The following FYB2 variants were observed in gnomAD, a reference collection of about 807,000 sequenced individuals.
The protein encoded by FYB2 is FYN-binding protein 2.
FYB2 carries 103 observed loss-of-function variants against 94.1 expected under a neutral mutation model. That is an observed-to-expected ratio of 1.09 (90% CI 0.93 to 1.29). The LOEUF is 1.29. Among genes scored for constraint, FYB2 ranks in the 50% most tolerant of loss-of-function variants. FYB2 has a pLI of 0.00. For missense variants in FYB2, 896 were observed against 841.5 expected (o/e 1.06, Z -0.80); for synonymous variants, 293 against 287.9 (o/e 1.02, Z -0.18).
At chr1:56,761,638 TAA>T (rs1645497171) in intron 5 of FYB2, among the ~76,000 whole-genome samples, 1 of 152,160 alleles carries the variant, frequency 6.6e-6, no homozygotes, top group Non-Finnish European at 1.5e-5. Context: ...AAGTTCTGTA[TAA>T]AAGAGATGAA....
intron 1 of FYB2, among the ~76,000 whole-genome samples, chr1:56,812,523 A>T (rs1570253766): frequency 6.6e-6 from 1 of 152,306 alleles, no homozygotes; most frequent in East Asian, 1.9e-4. Flanking sequence ...TTGCTTAATT[A>T]TTATTTCTGA....
rs1208496629 is a variant in FYB2 at position 56,719,100 on chromosome 1, A to G, written c.*571T>C. The G allele has an allele frequency of 6.6e-6, 1 of 152,292 alleles. No individual in the cohort carries two copies. Among genetic ancestry groups the G allele is most frequent in the African/African-American group, 2.4e-5 (1 of 41,466 alleles). The allele number at this position is 152,292 out of a possible 1,614,324, so 9.4% of individuals were successfully genotyped here. ...TATTTTTCTGCAAACTATTCCCAAA[A>G]GAAACAAATGTGGAACAGTATTCAT... On this transcript the variant is annotated 3_prime_UTR_variant, in exon 20 of 20. Coordinates refer to ENST00000343433, the MANE Select transcript of FYB2 (RefSeq NM_001004303.5).
At chr1:56,740,676 G>T in intron 13 of FYB2, 21 bp downstream of exon 13, 1 of 1,440,382 alleles carries the variant, frequency 6.9e-7, no homozygotes, top group South Asian at 1.2e-5. Context: ...TCGTGGAAAG[G>T]GATTTAAAGG....
At chr1:56,724,833 A>G (rs1382695669) in intron 16 of FYB2, among the ~76,000 whole-genome samples, 1 of 152,026 alleles carries the variant, frequency 6.6e-6, no homozygotes, top group African/African-American at 2.4e-5. Flanking sequence ...TGATTCCTCC[A>G]AACCTCATGT....
intron 4 of FYB2, among the ~76,000 whole-genome samples, chr1:56,773,203 C>G (rs1645800538): frequency 6.6e-6 from 1 of 152,092 alleles, no homozygotes; most frequent in Non-Finnish European, 1.5e-5. Context: ...GACAAGTGAC[C>G]TCTCATGGTT....
At chr1:56,825,388 C>G in the FYB2 span, among the ~76,000 whole-genome samples, 1 of 152,144 alleles carries the variant, frequency 6.6e-6, no homozygotes, top group East Asian at 1.9e-4. Flanking sequence ...TTGATGTGGT[C>G]ACCCTGCTCA....
At chr1:56,761,666 C>T (rs1645497471) in intron 5 of FYB2, among the ~76,000 whole-genome samples, 1 of 152,150 alleles carries the variant, frequency 6.6e-6, no homozygotes, top group African/African-American at 2.4e-5. Flanking sequence ...ACCAAAGGCA[C>T]CAGTGCTGAG....
At chr1:56,784,882 A>G (rs572460881) in intron 4 of FYB2, among the ~76,000 whole-genome samples, 107 of 152,326 alleles carry the variant, frequency 7.0e-4, no homozygotes, top group African/African-American at 2.5e-3. Context: ...AAGAGAACAC[A>G]TAAGTAAACC....
At chr1:56,793,607 GAAA>G (rs1306798236) in intron 1 of FYB2, among the ~76,000 whole-genome samples, 2 of 152,038 alleles carry the variant, frequency 1.3e-5, no homozygotes, top group Middle Eastern at 3.2e-3. Context: ...CATAAAGTTT[GAAA>G]AATTACCTAT....
At chr1:56,821,678 C>T (rs1646993650), upstream of FYB2, among the ~76,000 whole-genome samples, 1 of 152,194 alleles carries the variant, frequency 6.6e-6, no homozygotes, top group Non-Finnish European at 1.5e-5. Context: ...TGGTTGGTGG[C>T]TGTGTCATTG....
At position 56,789,074 on chromosome 1, in the gene FYB2, T is replaced by A. The variant is rs1461283395; in HGVS notation, c.818A>T (p.Asp273Val). 6.2e-7 allele frequency: 1 copy of A among 1,610,958 alleles called. No homozygotes were observed. Among genetic ancestry groups the A allele is most frequent in the East Asian group, 2.2e-5 (1 of 44,752 alleles). Reference sequence around the variant, plus strand: ...CTTTGGGGGAGGAGGACCCAGGGAGTCGATGGAGGGCAATGGCTTTGTTTT... The same window carrying A: ...CTTTGGGGGAGGAGGACCCAGGGAGACGATGGAGGGCAATGGCTTTGTTTT... Reference protein sequence around the residue: ...LPKTKPLPSIDSLGPPPPKPS... With the variant: ...LPKTKPLPSIVSLGPPPPKPS... Residue 273 changes from aspartate to valine, a missense_variant, in exon 3 of 20, where the codon GAC (aspartate) becomes GTC (valine). Asp to Val is a radical substitution (Grantham distance 152, BLOSUM62 -3). Coordinates refer to ENST00000343433, the MANE Select transcript of FYB2 (RefSeq NM_001004303.5).
intron 8 of FYB2, among the ~76,000 whole-genome samples, chr1:56,753,069 A>G (rs560706059): frequency 1.3e-4 from 20 of 152,206 alleles, no homozygotes; most frequent in African/African-American, 4.6e-4. Flanking sequence ...CTCTGGACCT[A>G]CATGCCAGTT....
intron 6 of FYB2, among the ~76,000 whole-genome samples, chr1:56,756,806 G>A (rs142249348): frequency 2.6e-4 from 39 of 152,244 alleles, no homozygotes; most frequent in African/African-American, 7.7e-4. Flanking sequence ...ATGCACAAGT[G>A]CTATCACACC....
chr1:56,745,939 T>C (rs895721341), intron 9 of FYB2, among the ~76,000 whole-genome samples: 1 of 151,974 alleles, frequency 6.6e-6, no homozygotes, highest in Non-Finnish European at 1.5e-5. Context: ...ACTTTTTTTC[T>C]CTTCCTAGGT....
chr1:56,756,901 T>C (rs145471276), intron 6 of FYB2, among the ~76,000 whole-genome samples: 1 of 152,070 alleles, frequency 6.6e-6, no homozygotes, highest in Non-Finnish European at 1.5e-5. Flanking sequence ...GGGAAAAGAA[T>C]ACAAAAAACT....
chr1:56,766,194 T>C (rs1645619333), intron 5 of FYB2, among the ~76,000 whole-genome samples: 1 of 152,152 alleles, frequency 6.6e-6, no homozygotes, highest in South Asian at 2.1e-4. Flanking sequence ...TGAACCAGAA[T>C]CTACATTTTA....
chr1:56,819,542 T>A, upstream of FYB2: 1 of 587,116 alleles, frequency 1.7e-6, no homozygotes, highest in Admixed American at 3.0e-5. Context: ...GGGAGAGTAC[T>A]CCACCTGCAG....
intron 7 of FYB2, among the ~76,000 whole-genome samples, chr1:56,754,654 C>A (rs1033681263): frequency 3.9e-5 from 6 of 152,112 alleles, no homozygotes; most frequent in African/African-American, 1.4e-4. Context: ...TGTTGTTAAA[C>A]TTCCATAGCA....
intron 1 of FYB2, among the ~76,000 whole-genome samples, chr1:56,795,727 T>C (rs1646382465): frequency 1.3e-5 from 2 of 152,176 alleles, no homozygotes. Context: ...TTTTCAGTTC[T>C]TCACTATTTG....
Sources: gnomAD v4.1 joint callset for allele counts (sites outside exome capture counted in the v4.1 genomes callset) on GRCh38, gnomAD v4.1.1 for gene constraint, MANE v1.5 for transcripts, NCBI Gene and HGNC (gene_info 2026-07-23, HGNC 2026-07-21) for gene names.